GIN1: variants seen among roughly 807,000 people sequenced by gnomAD.
GIN1 encodes gypsy retrotransposon integrase 1.
Under a neutral mutation model 51.4 loss-of-function variants are expected in GIN1, and 41 were observed. The ratio of observed to expected loss-of-function variants is 0.80; its 90% CI spans 0.62 to 1.04. The LOEUF is 1.04. Among genes scored for constraint, GIN1 ranks in the 50% least tolerant of loss-of-function variants. The pLI, the probability that GIN1 is intolerant of heterozygous loss-of-function variation, is 0.00. For synonymous variants in GIN1, 222 were observed against 206.5 expected, an observed-to-expected ratio of 1.07 and a Z score of -0.64; for missense variants, 610 against 612.4, an observed-to-expected ratio of 1.00 and a Z score of 0.04.
At chr5:103,106,327 G>A (rs1787724419) in intron 3 of GIN1, among the ~76,000 whole-genome samples, 1 of 152,102 alleles carries the variant, frequency 6.6e-6, no homozygotes, top group Non-Finnish European at 1.5e-5. Context: ...AAAGATAAGA[G>A]CACATACTGG....
intron 7 of GIN1, among the ~76,000 whole-genome samples, chr5:103,094,858 T>C (rs556173170): frequency 2.0e-5 from 3 of 152,338 alleles, no homozygotes. Flanking sequence ...TTTTATCTTC[T>C]AACAAAGAGA....
intron 7 of GIN1, among the ~76,000 whole-genome samples, chr5:103,093,150 T>A (rs1308246135): frequency 6.6e-6 from 1 of 152,106 alleles, no homozygotes; most frequent in Non-Finnish European, 1.5e-5. Context: ...GATGTCAACA[T>A]ACTACTCCTT....
chr5:103,105,553 C>A (rs1434610315), intron 3 of GIN1, among the ~76,000 whole-genome samples: 4 of 152,080 alleles, frequency 2.6e-5, no homozygotes, highest in African/African-American at 9.7e-5. Flanking sequence ...ATAGATGGAG[C>A]AATTTCTCTC....
At position 103,108,747 on chromosome 5, in the gene GIN1, A is replaced by G. The variant is rs1412753641; in HGVS notation, c.-7-33T>C. ...AAAGGTATTTAAAAAGATAACTTAA[A>G]TTTTAAGCTAACTGAATTGCTATTT... On this transcript the variant is annotated intron_variant, in intron 1 of 7. Coordinates refer to ENST00000399004, the MANE Select transcript of GIN1 (RefSeq NM_017676.2). 5 of 1,415,686 alleles carry G rather than the reference A, an allele frequency of 3.5e-6. No individual in the cohort carries two copies. In the Admixed American group the frequency reaches 7.7e-5, roughly 22 times the overall value. 87.7% of individuals were successfully genotyped at this position (1,415,686 alleles called of 1,614,324 possible). A position where few individuals can be genotyped will look rare whatever the true frequency, so the allele number is the denominator to read the frequency against.
At chr5:103,089,220 G>A (rs1787166867) in intron 7 of GIN1, among the ~76,000 whole-genome samples, 1 of 152,068 alleles carries the variant, frequency 6.6e-6, no homozygotes, top group Non-Finnish European at 1.5e-5. Flanking sequence ...AGAAAAAAAT[G>A]TTTAAAATGA....
At chr5:103,090,896 C>CACGA (rs1787218684) in intron 7 of GIN1, among the ~76,000 whole-genome samples, 1 of 140,460 alleles carries the variant, frequency 7.1e-6, no homozygotes, top group Non-Finnish European at 1.6e-5. Flanking sequence ...ATAAGTCACA[C>CACGA]ACGAACACAC....
rs145819008 is a variant in GIN1, at chr5:103,105,151, T to C, written c.334-305A>G. On this transcript the variant is annotated intron_variant, in intron 3 of 7. Transcript: ENST00000399004. ...ACACAAATAAAAAGTACTCTATTGA[T>C]AGGGAGGGATGAGAAACTCAAGTAT... Among the ~76,000 whole-genome samples the C allele has an allele frequency of 1.1e-3, 160 of 151,878 alleles. No homozygotes were observed. In the Middle Eastern group the frequency reaches 0.014, roughly 13 times the overall value.
At chr5:103,105,497 A>T (rs143844983) in intron 3 of GIN1, among the ~76,000 whole-genome samples, 1 of 152,216 alleles carries the variant, frequency 6.6e-6, no homozygotes, top group Non-Finnish European at 1.5e-5. Flanking sequence ...TCATTAATCT[A>T]TTCCAACCAT....
In GIN1 at chr5:103,096,526, G is replaced by C; in HGVS notation, c.1294+15C>G. 6.4e-7 allele frequency: 1 copy of C among 1,560,494 alleles called. No homozygotes were observed. Among genetic ancestry groups the C allele is most frequent in the Non-Finnish European group, 8.8e-7 (1 of 1,142,460 alleles). ...CCTAAAGCAATAAAAATGTAGAGAA[G>C]TGACAGATATTTACCTTGTTCACTG... On this transcript the variant is annotated intron_variant, in intron 7 of 7. Transcript: ENST00000399004.
chr5:103,112,143 T>A (rs1787906177), intron 1 of GIN1, among the ~76,000 whole-genome samples: 1 of 152,196 alleles, frequency 6.6e-6, no homozygotes, highest in Non-Finnish European at 1.5e-5. Flanking sequence ...GTTTGTTTTT[T>A]TCTCATCAAA....
At chr5:103,098,113 C>T (rs1787460638) in intron 4 of GIN1, among the ~76,000 whole-genome samples, 1 of 152,166 alleles carries the variant, frequency 6.6e-6, no homozygotes, top group Admixed American at 6.5e-5. Context: ...GAACTCCTGA[C>T]CTTGTGATCC....
At chr5:103,095,571 T>C (rs1787369486) in intron 7 of GIN1, among the ~76,000 whole-genome samples, 1 of 152,250 alleles carries the variant, frequency 6.6e-6, no homozygotes, top group African/African-American at 2.4e-5. Flanking sequence ...TGTTTGTTTT[T>C]GGCATTAATG....
chr5:103,110,172 G>A (rs1554196779), intron 1 of GIN1, among the ~76,000 whole-genome samples: 1 of 150,860 alleles, frequency 6.6e-6, no homozygotes, highest in East Asian at 2.0e-4. Flanking sequence ...CAAATCTTAG[G>A]CTAAGCAAAG....
intron 1 of GIN1, among the ~76,000 whole-genome samples, chr5:103,113,920 T>C (rs1458621451): frequency 6.6e-6 from 1 of 152,220 alleles, no homozygotes; most frequent in East Asian, 1.9e-4. Context: ...ACTAATGATA[T>C]CTAAATACCT....
intron 2 of GIN1, among the ~76,000 whole-genome samples, chr5:103,107,378 T>A (rs1554196460): frequency 6.6e-6 from 1 of 152,152 alleles, no homozygotes; most frequent in Non-Finnish European, 1.5e-5. Context: ...TCTTCTATAT[T>A]TGAGAAGGTA....
intron 4 of GIN1, chr5:103,102,784 GT>G (rs1204390621): frequency 3.3e-5 from 5 of 152,050 alleles, no homozygotes; most frequent in Non-Finnish European, 7.4e-5. Context: ...GAAGGCTAAG[GT>G]GGGGGTATCA....
chr5:103,105,867 G>C (rs1554196221), intron 3 of GIN1, among the ~76,000 whole-genome samples: 3 of 152,076 alleles, frequency 2.0e-5, no homozygotes. Context: ...ATTCTCCAGT[G>C]ATAACAATTT....
chr5:103,095,357 C>G (rs1787363330), intron 7 of GIN1, among the ~76,000 whole-genome samples: 1 of 152,042 alleles, frequency 6.6e-6, no homozygotes, highest in Admixed American at 6.6e-5. Flanking sequence ...CTTGACTGTT[C>G]AGAATGAGTC....
chr5:103,091,041 C>A (rs1377391160), intron 7 of GIN1, among the ~76,000 whole-genome samples: 1 of 152,038 alleles, frequency 6.6e-6, no homozygotes, highest in Non-Finnish European at 1.5e-5. Context: ...CATAGAAAAC[C>A]ACTCTGAATA....
Sources: gnomAD v4.1 joint callset for allele counts (sites outside exome capture counted in the v4.1 genomes callset) on GRCh38, gnomAD v4.1.1 for gene constraint, MANE v1.5 for transcripts, NCBI Gene and HGNC (gene_info 2026-07-23, HGNC 2026-07-21) for gene names.